The following GRM4 variants were observed in gnomAD, a reference collection of about 807,000 sequenced individuals.
The protein encoded by GRM4 is glutamate metabotropic receptor 4.
In GRM4, 28 loss-of-function variants were observed where a neutral mutation model predicts 81.7. That is an observed-to-expected ratio of 0.34 (90% CI 0.25 to 0.47). The LOEUF is 0.47. Ranked by LOEUF, GRM4 falls within the 20% of genes least tolerant of loss-of-function variation. The pLI is 1.00. For missense variants in GRM4, 948 were observed against 1,290.0 expected, an observed-to-expected ratio of 0.73 and a Z score of 4.06; for synonymous variants, 488 against 528.8, an observed-to-expected ratio of 0.92 and a Z score of 1.06.
rs546718078 is a variant in GRM4, at chr6:34,040,262, G to A, written c.1422C>T (p.Arg474=). 16 of 1,614,166 alleles carry A rather than the reference G, an allele frequency of 9.9e-6. No homozygotes were observed. In the East Asian group the frequency reaches 2.9e-4, roughly 29 times the overall value. Residue 474 remains arginine, a synonymous_variant, in exon 8 of 11, where the codon CGC becomes CGT. Transcript: ENST00000538487. Reference sequence around the variant, plus strand: ...GCAGCTGGTATTGGTAGATGTCATAGCGCCCAGGCGCATCTCCATTCTCAT... The same window carrying A: ...GCAGCTGGTATTGGTAGATGTCATAACGCCCAGGCGCATCTCCATTCTCAT... ...TFNENGDAPG[R]YDIYQYQLRN...
intron 8 of GRM4, among the ~76,000 whole-genome samples, 188 bp downstream of exon 8, chr6:34,039,990 C>T (rs1764916756): frequency 6.6e-6 from 1 of 152,248 alleles, no homozygotes; most frequent in African/African-American, 2.4e-5. Flanking sequence ...ACTGCCCTGT[C>T]TTCCATTTCA....
At chr6:34,110,792 C>T (rs1026280687) in intron 2 of GRM4, 1 of 1,413,970 alleles carries the variant, frequency 7.1e-7, no homozygotes, top group Non-Finnish European at 9.2e-7. Flanking sequence ...CCTCCCTGGC[C>T]CAGGCTGCAG....
chr6:34,022,618 G>T lies in GRM4; in HGVS notation c.*203C>A. On this transcript the variant is annotated 3_prime_UTR_variant, in exon 11 of 11. Transcript: ENST00000538487. The surrounding 1 kb of genome is among the most constrained non-coding windows in gnomAD (Gnocchi z 5.6). ...TCTTGTGGTAGCCTGGCACCGCCCCGGCCCCTCGTCCTCCTGTTGCTCACC... is the reference window on the plus strand; with the variant it reads ...TCTTGTGGTAGCCTGGCACCGCCCCTGCCCCTCGTCCTCCTGTTGCTCACC... 1 of 597,850 alleles carries T rather than the reference G, an allele frequency of 1.7e-6. No homozygotes were observed. Among genetic ancestry groups the T allele is most frequent in the African/African-American group, 1.9e-5 (1 of 54,004 alleles). 37.0% of individuals were successfully genotyped at this position (597,850 alleles called of 1,614,324 possible). A position where few individuals can be genotyped will look rare whatever the true frequency, so the allele number is the denominator to read the frequency against.
intron 6 of GRM4, among the ~76,000 whole-genome samples, chr6:34,051,947 C>T (rs188213006): frequency 2.3e-4 from 35 of 152,320 alleles, no homozygotes; most frequent in African/African-American, 8.2e-4. Flanking sequence ...CACCAGCATT[C>T]ACACCCAGGT....
intron 3 of GRM4, among the ~76,000 whole-genome samples, chr6:34,082,304 A>C (rs1767644761): frequency 6.6e-6 from 1 of 152,266 alleles, no homozygotes; most frequent in African/African-American, 2.4e-5. Flanking sequence ...AACAGAGGCC[A>C]GAGAAGTTAG....
At chr6:34,026,901 G>A (rs1013536944) in intron 10 of GRM4, among the ~76,000 whole-genome samples, 2 of 152,240 alleles carry the variant, frequency 1.3e-5, no homozygotes, top group African/African-American at 4.8e-5. Flanking sequence ...GATGGAACAG[G>A]ACCTGGGACC....
intron 1 of GRM4, among the ~76,000 whole-genome samples, chr6:34,143,160 T>C (rs1158579691): frequency 6.6e-6 from 1 of 152,118 alleles, no homozygotes; most frequent in Non-Finnish European, 1.5e-5. Context: ...GTGAAGGTAT[T>C]GGCAGGTAGG....
rs546473926 is a variant in GRM4 at position 34,022,668 on chromosome 6, G to A, written c.*153C>T. On this transcript the variant is annotated 3_prime_UTR_variant, in exon 11 of 11. Coordinates refer to ENST00000538487, the MANE Select transcript of GRM4 (RefSeq NM_000841.4). The surrounding 1 kb of genome is among the most constrained non-coding windows in gnomAD (Gnocchi z 5.6). Reference sequence around the variant, plus strand: ...CCGGTTTGCCCAGGCTGCCAGCAGTGATGGCTGGGGGCTCTGCTATCCTCA... The same window carrying A: ...CCGGTTTGCCCAGGCTGCCAGCAGTAATGGCTGGGGGCTCTGCTATCCTCA... The A allele has an allele frequency of 4.5e-6, 3 of 668,956 alleles. No homozygotes were observed. Among genetic ancestry groups the A allele is most frequent in the African/African-American group, 3.6e-5 (2 of 56,154 alleles). 41.4% of individuals were successfully genotyped at this position (668,956 alleles called of 1,614,324 possible).
intron 5 of GRM4, among the ~76,000 whole-genome samples, chr6:34,057,779 A>C (rs908604160): frequency 6.6e-6 from 1 of 152,196 alleles, no homozygotes; most frequent in Non-Finnish European, 1.5e-5. Flanking sequence ...TGTGTGTCTC[A>C]AGCTCTCTGA....
intron 1 of GRM4, among the ~76,000 whole-genome samples, chr6:34,138,406 T>C (rs1270937991): frequency 6.6e-6 from 1 of 152,240 alleles, no homozygotes; most frequent in Non-Finnish European, 1.5e-5. Flanking sequence ...AGGAGCGCTC[T>C]AGAATTGTGA....
Position 34,059,250 on chromosome 6 carries a change from C to G in GRM4, c.873-122G>C. The G allele has an allele frequency of 1.2e-6, 1 of 830,130 alleles. No homozygotes were observed. Among genetic ancestry groups the G allele is most frequent in the Non-Finnish European group, 1.9e-6 (1 of 517,392 alleles). 51.4% of individuals were successfully genotyped at this position (830,130 alleles called of 1,614,324 possible). A position where few individuals can be genotyped will look rare whatever the true frequency, so the allele number is the denominator to read the frequency against. The stretch of plus-strand genomic sequence containing the variant: ...CAGAAGCCCAGGGTCCACAACTGTC[C>G]CAGCACCGATGCTTTCACCCCAAGC... On this transcript the variant is annotated intron_variant, in intron 4 of 10. Transcript: ENST00000538487. The surrounding 1 kb of genome is among the most constrained non-coding windows in gnomAD (Gnocchi z 5.7).
At chr6:34,124,015 A>G (rs375649896) in intron 2 of GRM4, among the ~76,000 whole-genome samples, 2 of 152,272 alleles carry the variant, frequency 1.3e-5, no homozygotes, top group Admixed American at 1.3e-4. Flanking sequence ...TCTCACAGGG[A>G]GCTCTCACCT....
chr6:34,094,079 T>A lies in GRM4; in HGVS notation c.520-1980A>T, dbSNP rs934261590. 2.6e-5 allele frequency among the ~76,000 whole-genome samples: 4 copies of A among 152,216 alleles called. No homozygotes were observed. The South Asian group carries it at 6.2e-4, about 24-fold the overall frequency. ...ACACAGCTGTGAAAAGGAATGAGGC[T>A]GATTTCCAGGCACTGCTCTGGGTGG... On this transcript the variant is annotated intron_variant, in intron 2 of 10. Transcript: ENST00000538487.
rs528673934 is a variant in GRM4, at chr6:34,076,179, G to A, written c.737-14151C>T. Among the ~76,000 whole-genome samples, 9 of 152,358 alleles carry A rather than the reference G, an allele frequency of 5.9e-5. No individual in the cohort carries two copies. In the South Asian group the frequency reaches 1.9e-3, roughly 32 times the overall value. On this transcript the variant is annotated intron_variant, in intron 3 of 10. Coordinates refer to ENST00000538487, the MANE Select transcript of GRM4 (RefSeq NM_000841.4). ...TTAGGAGCCCACATCCCTTGGAAGT[G>A]GAAACTGAAAAGCAAAATGAAATGC...
exon 1 of GRM4, chr6:34,155,397 A>C (rs1396636752): frequency 6.7e-7 from 1 of 1,482,188 alleles, no homozygotes; most frequent in East Asian, 2.5e-5. Flanking sequence ...GCATCCTCCC[A>C]CTCTCAGCAT....
Position 34,080,375 on chromosome 6 carries a change from T to A in GRM4, c.736+11508A>T, listed in dbSNP as rs1565362. On this transcript the variant is annotated intron_variant, in intron 3 of 10. Transcript: ENST00000538487. This position sits in a 1 kb window ranked among gnomAD's most constrained non-coding sequence, Gnocchi z 5.4. ...ATAATTATACAGTGATGTGTTTGCT[T>A]ATTCACTGGAAGCTCCTCCTGCCCT... is the stretch of plus-strand genomic sequence containing the variant. 0.016 allele frequency among the ~76,000 whole-genome samples: 2,405 copies of A among 152,298 alleles called. 41 individuals are homozygous for A. Among genetic ancestry groups the A allele is most frequent in the Middle Eastern group, 0.034 (10 of 294 alleles).
At chr6:34,073,330 C>G (rs866164107) in intron 3 of GRM4, among the ~76,000 whole-genome samples, 3 of 141,726 alleles carry the variant, frequency 2.1e-5, no homozygotes, top group African/African-American at 5.4e-5. Flanking sequence ...ACCACACACA[C>G]ACACTCACAC....
chr6:34,125,130 C>G (rs1369084833), intron 2 of GRM4, among the ~76,000 whole-genome samples: 2 of 152,320 alleles, frequency 1.3e-5, no homozygotes, highest in South Asian at 4.1e-4. Flanking sequence ...CCCGCCACCA[C>G]ACCCAGCTAA....
chr6:34,155,527 G>GT lies in GRM4; in HGVS notation c.-138dup, dbSNP rs545290400. ...CCGCATCCCAAACCAATTAAAATCT[G>GT]TTTTTTTGTTTTGGGACAGACAGGG... is the stretch of plus-strand genomic sequence containing the variant. On this transcript the variant is annotated 5_prime_UTR_variant, in exon 1 of 9. Coordinates refer to the GRM4 transcript ENST00000374177. 442 of 561,102 alleles carry GT rather than the reference G, an allele frequency of 7.9e-4. 2 individuals are homozygous for GT. The highest frequency in any genetic ancestry group is 1.2e-3 in the South Asian group (41 of 34,470). 34.8% of individuals were successfully genotyped at this position (561,102 alleles called of 1,614,324 possible).
Sources: allele counts gnomAD v4.1 joint callset (sites outside exome capture counted in the v4.1 genomes callset), GRCh38; gene constraint gnomAD v4.1.1; non-coding constraint Gnocchi (gnomAD v3.1); transcripts MANE v1.5; gene names NCBI Gene and HGNC (gene_info 2026-07-23, HGNC 2026-07-21).